Variants in DFFB observed in about 807,000 individuals in gnomAD.
The protein encoded by DFFB is DNA fragmentation factor 40 kDa subunit.
DFFB carries 29 observed loss-of-function variants against 32.7 expected under a neutral mutation model. The ratio of observed to expected loss-of-function variants is 0.89; its 90% CI spans 0.66 to 1.21. The LOEUF (loss-of-function observed/expected upper bound fraction) is 1.21. Ranked by LOEUF, DFFB falls within the 50% of genes most tolerant of loss-of-function variation. DFFB has a pLI of 0.00. For synonymous variants in DFFB, 170 were observed against 177.1 expected, an observed-to-expected ratio of 0.96 and a Z score of 0.32; for missense variants, 398 against 440.6, an observed-to-expected ratio of 0.90 and a Z score of 0.87.
chr1:3,872,358 A>G (rs1645133220), intron 5 of DFFB, 114 bp from the exon 6 acceptor site: 1 of 716,976 alleles, frequency 1.4e-6, no homozygotes, highest in African/African-American at 1.8e-5. Flanking sequence ...GGTTGTAGTA[A>G]GCCGAGATCG....
chr1:3,869,831 C>G, intron 5 of DFFB, 56 bp downstream of exon 5: 9 of 1,514,256 alleles, frequency 5.9e-6, no homozygotes, highest in Non-Finnish European at 8.0e-6. Context: ...GAACACAGCC[C>G]GCCTGGGGCG....
In DFFB at chr1:3,877,275, C is replaced by A. The variant is rs189946217; in HGVS notation, c.782+4703C>A. On this transcript the variant is annotated intron_variant, in intron 6 of 6. Transcript: ENST00000378209. The stretch of plus-strand genomic sequence containing the variant: ...TGTTCGTGTCTCTTTTGTATCTAAT[C>A]TATACTTAAGGTAGTTCCTCCTAGG... 1.6e-3 allele frequency among the ~76,000 whole-genome samples: 238 copies of A among 149,864 alleles called. 2 individuals carry two copies. Among genetic ancestry groups the A allele is most frequent in the African/African-American group, 5.3e-3 (216 of 40,696 alleles).
intron 2 of DFFB, among the ~76,000 whole-genome samples, chr1:3,859,429 C>G (rs1479367350): frequency 2.0e-5 from 3 of 152,110 alleles, no homozygotes; most frequent in Admixed American, 2.0e-4. Flanking sequence ...GTTTGACTCC[C>G]GTAAAAGAGA....
At chr1:3,861,519 C>T (rs901608678) in intron 2 of DFFB, among the ~76,000 whole-genome samples, 1 of 152,154 alleles carries the variant, frequency 6.6e-6, no homozygotes, top group African/African-American at 2.4e-5. Flanking sequence ...GCTTTCACTT[C>T]CTGGGCTCAA....
Position 3,872,497 on chromosome 1 carries a change from T to C in DFFB, c.707T>C (p.Leu236Ser), listed in dbSNP as rs150541762. The C allele has an allele frequency of 8.9e-4, 1,430 of 1,613,960 alleles. 3 individuals are homozygous for C. The highest frequency in any genetic ancestry group is 1.1e-3 in the Non-Finnish European group (1,338 of 1,179,990). ...CQGPFDMDSC[L>S]SRHSINPYSN... is the part of the protein sequence containing the mutation. The stretch of plus-strand genomic sequence containing the variant: ...GGTCCCTTTGACATGGACAGCTGCT[T>C]ATCAAGACACTCCATCAACCCCTAC... The change falls in exon 6 of 7, where the codon TTA becomes TCA. Residue 236 changes from leucine (L) to serine (S), a missense_variant. Leu to Ser is a moderately radical substitution (Grantham distance 145). Coordinates refer to ENST00000378209, the MANE Select transcript of DFFB (RefSeq NM_004402.4).
intron 6 of DFFB, among the ~76,000 whole-genome samples, chr1:3,875,343 GC>G (rs1645201684): frequency 6.6e-6 from 1 of 152,184 alleles, no homozygotes; most frequent in Admixed American, 6.5e-5. Context: ...TAACCCAGGT[GC>G]CTGGGGATTG....
chr1:3,871,587 GC>G (rs1645113391), intron 5 of DFFB, among the ~76,000 whole-genome samples: 2 of 152,326 alleles, frequency 1.3e-5, no homozygotes, highest in South Asian at 2.1e-4. Context: ...ACCGTGCCCG[GC>G]CAAGGCAGAA....
intron 3 of DFFB, among the ~76,000 whole-genome samples, chr1:3,866,905 T>C (rs917238621): frequency 1.3e-5 from 2 of 152,082 alleles, no homozygotes; most frequent in Non-Finnish European, 1.5e-5. Context: ...AAAAGTTCTT[T>C]CTTTTTTTGA....
chr1:3,880,913 T>G (rs7538222), intron 6 of DFFB, among the ~76,000 whole-genome samples: 6,077 of 152,300 alleles, frequency 0.04, 412 homozygotes, highest in African/African-American at 0.14. Context: ...TGCCATTTCT[T>G]GCTTGTGGTT....
intron 3 of DFFB, chr1:3,866,396 C>T: frequency 3.8e-6 from 1 of 266,546 alleles, no homozygotes; most frequent in South Asian, 3.1e-5. Context: ...GCTGGGATTA[C>T]AGGCAAGTGC....
rs752742121 is a variant in DFFB at position 3,865,507 on chromosome 1, T to TG, written c.242-299dup. 3 of 525,378 alleles carry TG rather than the reference T, an allele frequency of 5.7e-6. No homozygotes were observed. Among genetic ancestry groups the TG allele is most frequent in the Non-Finnish European group, 1.0e-5 (3 of 290,016 alleles). 32.5% of individuals were successfully genotyped at this position (525,378 alleles called of 1,614,324 possible). ...GCAAGGTCTCCAGGAAGGGCCAAAG[T>TG]GGGGGGCGTATGGTTTGGAGGGGAG... is the stretch of plus-strand genomic sequence containing the variant. On this transcript the variant is annotated intron_variant, in intron 2 of 6. Transcript: ENST00000378209. The surrounding 1 kb of genome is among the most constrained non-coding windows in gnomAD (Gnocchi z 4.7).
In DFFB at chr1:3,869,733, C is replaced by A. The variant is rs573651889; in HGVS notation, c.639C>A (p.Gly213=). 2 of 1,609,924 alleles carry A rather than the reference C, an allele frequency of 1.2e-6. No individual in the cohort carries two copies. The highest frequency in any genetic ancestry group is 4.5e-5 in the East Asian group (2 of 44,810). ...NGSYFDRGAK[G]GSRLCTPEGW... ...GCTACTTCGACAGAGGAGCCAAGGG[C>A]GGCAGCCGCCTCTGCACACCGGAAG... Residue 213 remains glycine, a synonymous_variant, in exon 5 of 7, where the codon GGC becomes GGA. Transcript: ENST00000378209.
chr1:3,863,491 C>T (rs1427871607), intron 2 of DFFB, among the ~76,000 whole-genome samples: 3 of 152,108 alleles, frequency 2.0e-5, no homozygotes, highest in African/African-American at 7.2e-5. Flanking sequence ...GCCATGTGAC[C>T]CAGCAGCTCC....
In DFFB at chr1:3,858,690, C is replaced by T. The variant is rs780229377; in HGVS notation, c.115-28C>T. ...AAGCCCTCGTCTTGAGACCCTTCCTCCTCCTGTTGCTTCTCCCGTCCCTGC... is the reference window on the plus strand; with the variant it reads ...AAGCCCTCGTCTTGAGACCCTTCCTTCTCCTGTTGCTTCTCCCGTCCCTGC... On this transcript the variant is annotated intron_variant, in intron 1 of 6. Transcript: ENST00000378209. The T allele has an allele frequency of 3.0e-5, 48 of 1,610,668 alleles. No individual in the cohort carries two copies. In the South Asian group the frequency reaches 5.1e-4, roughly 17 times the overall value.
At chr1:3,874,721 C>T (rs1019003577) in intron 6 of DFFB, among the ~76,000 whole-genome samples, 1 of 146,088 alleles carries the variant, frequency 6.8e-6, no homozygotes, top group Non-Finnish European at 1.5e-5. Flanking sequence ...ACATATGTGG[C>T]CTCCCATGCT....
rs1479094564 is a variant in DFFB at position 3,857,742 on chromosome 1, G to C, written c.114+25G>C. On this transcript the variant is annotated intron_variant, in intron 1 of 6. Transcript: ENST00000378209. ...GGTGCCCGCTGGGCTAGGCGGGGAC[G>C]GCCCGTCGGGGAGGCGTGTGGGGAG... The C allele has an allele frequency of 2.8e-6, 4 of 1,436,096 alleles. No individual in the cohort carries two copies. In the East Asian group the frequency reaches 1.1e-4, roughly 39 times the overall value. The allele number at this position is 1,436,096 out of a possible 1,614,324, so 89.0% of individuals were successfully genotyped here. A position where few individuals can be genotyped will look rare whatever the true frequency, so the allele number is the denominator to read the frequency against.
At chr1:3,877,049 A>G (rs1286577359) in intron 6 of DFFB, among the ~76,000 whole-genome samples, 1 of 152,090 alleles carries the variant, frequency 6.6e-6, no homozygotes, top group Non-Finnish European at 1.5e-5. Flanking sequence ...CCTTTCCTGG[A>G]GCCCTGGGGA....
At chr1:3,870,629 C>A (rs943979134) in intron 5 of DFFB, among the ~76,000 whole-genome samples, 56 of 152,236 alleles carry the variant, frequency 3.7e-4, no homozygotes, top group African/African-American at 1.3e-3. Flanking sequence ...GTGAGTCCTG[C>A]ACAATGGAAG....
intron 1 of DFFB, 75 bp from the exon 2 acceptor site, chr1:3,858,643 G>T (rs1406213234): frequency 6.5e-7 from 1 of 1,546,892 alleles, no homozygotes; most frequent in Admixed American, 1.8e-5. Flanking sequence ...CATTCCGGTC[G>T]TTTGTGAGGC....
Sources: allele counts gnomAD v4.1 joint callset (sites outside exome capture counted in the v4.1 genomes callset), GRCh38; gene constraint gnomAD v4.1.1; non-coding constraint Gnocchi (gnomAD v3.1); transcripts MANE v1.5; gene names NCBI Gene and HGNC (gene_info 2026-07-23, HGNC 2026-07-21).